NLGN1: variants seen among roughly 807,000 people sequenced by gnomAD.
NLGN1 encodes the protein neuroligin 1, also known as neuroligin-1.
A neutral mutation model predicts 65.5 loss-of-function variants in NLGN1; 12 were observed. That is an observed-to-expected ratio of 0.18 (90% CI 0.12 to 0.30). The LOEUF (loss-of-function observed/expected upper bound fraction) is 0.30, where lower values mean the gene tolerates loss of function less well. NLGN1 is among the 10% of genes least tolerant of loss of function. The pLI, the probability that NLGN1 is intolerant of heterozygous loss-of-function variation, is 1.00. For missense variants in NLGN1, 750 were observed against 1,007.1 expected, an observed-to-expected ratio of 0.74 and a Z score of 3.46; for synonymous variants, 350 against 359.5, an observed-to-expected ratio of 0.97 and a Z score of 0.30.
intron 2 of NLGN1, among the ~76,000 whole-genome samples, chr3:173,539,920 C>CGTGT (rs143354352): frequency 7.1e-5 from 10 of 140,916 alleles, no homozygotes; most frequent in Non-Finnish European, 7.7e-5. Flanking sequence ...ATATAACATA[C>CGTGT]GTGTGTGTGT....
chr3:173,567,617 TATA>T (rs1743906356), intron 2 of NLGN1, among the ~76,000 whole-genome samples: 1 of 151,348 alleles, frequency 6.6e-6, no homozygotes, highest in African/African-American at 2.4e-5. Flanking sequence ...TTTTATATAA[TATA>T]ATAAAATAAT....
intron 3 of NLGN1, among the ~76,000 whole-genome samples, chr3:173,792,661 A>G (rs1460437575): frequency 1.3e-5 from 2 of 152,156 alleles, no homozygotes; most frequent in African/African-American, 4.8e-5. Context: ...TTTGGAAAGC[A>G]ATGGAACTTA....
At chr3:173,801,181 T>C (rs1398338598) in intron 3 of NLGN1, among the ~76,000 whole-genome samples, 1 of 152,034 alleles carries the variant, frequency 6.6e-6, no homozygotes, top group Non-Finnish European at 1.5e-5. Context: ...CTTACAACTT[T>C]CATTTGACAT....
chr3:173,940,440 C>T (rs1378586200), intron 4 of NLGN1, among the ~76,000 whole-genome samples: 1 of 152,080 alleles, frequency 6.6e-6, no homozygotes. Flanking sequence ...ACCTAGTTCT[C>T]ATTTGAGGAA....
At chr3:173,398,186 C>G (rs1716971306), upstream of NLGN1, 2 of 152,220 alleles carry the variant, frequency 1.3e-5, no homozygotes, top group African/African-American at 4.8e-5. Context: ...GAACCCTCGG[C>G]GGAGCGCAGA....
intron 3 of NLGN1, among the ~76,000 whole-genome samples, chr3:173,807,351 A>G (rs1164886161): frequency 6.6e-6 from 1 of 152,142 alleles, no homozygotes; most frequent in African/African-American, 2.4e-5. Flanking sequence ...AGTCCTAAGA[A>G]TCATTGCCAT....
At chr3:173,700,979 G>A (rs1053964286) in intron 3 of NLGN1, among the ~76,000 whole-genome samples, 3 of 152,060 alleles carry the variant, frequency 2.0e-5, no homozygotes, top group South Asian at 2.1e-4. Flanking sequence ...CAAAAAATTA[G>A]CTGGGCGTGG....
intron 3 of NLGN1, among the ~76,000 whole-genome samples, chr3:173,691,541 G>A (rs1382447234): frequency 6.6e-6 from 1 of 151,992 alleles, no homozygotes; most frequent in Non-Finnish European, 1.5e-5. Context: ...ATTCATCTAG[G>A]TTCATGTGTG....
chr3:174,189,159 G>A (rs1731932869), intron 4 of NLGN1, among the ~76,000 whole-genome samples: 1 of 151,944 alleles, frequency 6.6e-6, no homozygotes, highest in Non-Finnish European at 1.5e-5. Flanking sequence ...TTCTGGACAT[G>A]TGGGAGTTTG....
At chr3:173,777,738 G>A (rs1314697254) in intron 3 of NLGN1, among the ~76,000 whole-genome samples, 2 of 151,424 alleles carry the variant, frequency 1.3e-5, no homozygotes, top group East Asian at 1.9e-4. Flanking sequence ...TTCATATCTT[G>A]CTTGTTGTGA....
chr3:173,516,206 A>G (rs9870971), intron 2 of NLGN1, among the ~76,000 whole-genome samples: 7,690 of 152,148 alleles, frequency 0.051, 614 homozygotes, highest in African/African-American at 0.18. Context: ...TAATATTAAA[A>G]TAGAAGGAAT....
chr3:173,626,386 C>T (rs1754828855), intron 3 of NLGN1, among the ~76,000 whole-genome samples: 1 of 151,892 alleles, frequency 6.6e-6, no homozygotes, highest in South Asian at 2.1e-4. Context: ...TAGAAACTGT[C>T]ACAAGAAGGT....
chr3:173,881,537 G>T (rs13070662), intron 4 of NLGN1, among the ~76,000 whole-genome samples: 4 of 148,136 alleles, frequency 2.7e-5, no homozygotes, highest in Non-Finnish European at 5.9e-5. Flanking sequence ...CCATTCTCCT[G>T]CCTCAGCCTC....
At chr3:173,980,648 A>C (rs1476459112) in intron 4 of NLGN1, among the ~76,000 whole-genome samples, 2 of 151,968 alleles carry the variant, frequency 1.3e-5, no homozygotes, top group East Asian at 1.9e-4. Context: ...ATATGTTTTC[A>C]AAAAAAACAT....
chr3:173,993,084 T>C (rs962877008), intron 4 of NLGN1, among the ~76,000 whole-genome samples: 1 of 152,208 alleles, frequency 6.6e-6, no homozygotes, highest in African/African-American at 2.4e-5. Context: ...TGTAAATAAA[T>C]AGAAGAGGGA....
intron 4 of NLGN1, among the ~76,000 whole-genome samples, chr3:174,262,687 A>T (rs1420543117): frequency 1.3e-5 from 2 of 149,268 alleles, no homozygotes; most frequent in Non-Finnish European, 3.0e-5. Context: ...TATTTCCTTC[A>T]GTTCTGCTCT....
chr3:174,081,868 G>A (rs896397898), intron 4 of NLGN1, among the ~76,000 whole-genome samples: 3 of 152,120 alleles, frequency 2.0e-5, no homozygotes, highest in African/African-American at 4.8e-5. Context: ...ACCATGCCCG[G>A]CCTAGGTTTT....
At chr3:173,509,301 T>A (rs564020261) in intron 2 of NLGN1, among the ~76,000 whole-genome samples, 1 of 152,346 alleles carries the variant, frequency 6.6e-6, no homozygotes, top group Admixed American at 6.5e-5. Flanking sequence ...TAAGGATTTT[T>A]AAACTATTTT....
intron 3 of NLGN1, among the ~76,000 whole-genome samples, chr3:173,725,567 T>C (rs1771624680): frequency 6.6e-6 from 1 of 152,238 alleles, no homozygotes; most frequent in Non-Finnish European, 1.5e-5. Flanking sequence ...GTTAGAGGGC[T>C]CACACTACAG....
Sources: gnomAD v4.1 joint callset for allele counts (sites outside exome capture counted in the v4.1 genomes callset) on GRCh38, gnomAD v4.1.1 for gene constraint, MANE v1.5 for transcripts, NCBI Gene and HGNC (gene_info 2026-07-23, HGNC 2026-07-21) for gene names.